The following FGFR2 variants were observed in gnomAD, a reference collection of about 807,000 sequenced individuals.
The protein encoded by FGFR2 is fibroblast growth factor receptor 2.
A neutral mutation model predicts 95.9 loss-of-function variants in FGFR2; 19 were observed. That is an observed-to-expected ratio of 0.20 (90% CI 0.14 to 0.29). The LOEUF is 0.29. Among genes scored for constraint, FGFR2 ranks in the 10% least tolerant of loss-of-function variants. FGFR2 has a pLI of 1.00. For synonymous variants in FGFR2, 392 were observed against 393.3 expected (o/e 1.00, Z 0.04); for missense variants, 707 against 1,056.9 (o/e 0.67, Z 4.59).
intron 3 of FGFR2, among the ~76,000 whole-genome samples, 167 bp downstream of exon 3, chr10:121,565,271 A>C (rs1178982146): frequency 1.3e-5 from 2 of 152,118 alleles, no homozygotes; most frequent in Non-Finnish European, 2.9e-5. Context: ...ATCATTCTTA[A>C]TGATCGGCCT....
chr10:121,498,245 A>G (rs895269391), intron 12 of FGFR2, among the ~76,000 whole-genome samples: 2 of 152,220 alleles, frequency 1.3e-5, no homozygotes, highest in Non-Finnish European at 2.9e-5. Context: ...TATGACCTAG[A>G]AACAGCAGCG....
chr10:121,581,383 A>G (rs1057160044), intron 2 of FGFR2, among the ~76,000 whole-genome samples: 4 of 152,092 alleles, frequency 2.6e-5, no homozygotes, highest in Admixed American at 6.5e-5. Context: ...GGTACTGATG[A>G]GGGTCAACCT....
chr10:121,546,849 T>A (rs1192841847), intron 5 of FGFR2, among the ~76,000 whole-genome samples: 1 of 152,190 alleles, frequency 6.6e-6, no homozygotes, highest in African/African-American at 2.4e-5. Context: ...TAACACACAT[T>A]TGTTTGAAGA....
At position 121,583,216 on chromosome 10, in the gene FGFR2, G is replaced by A. The variant is rs45631633; in HGVS notation, c.109+10493C>T. 9.5e-3 allele frequency: 1,448 copies of A among 152,318 alleles called. 13 individuals are homozygous for A. The highest frequency in any genetic ancestry group is 0.018 in the South Asian group (86 of 4,832). The allele number at this position is 152,318 out of a possible 1,614,324, so 9.4% of individuals were successfully genotyped here. ...GTGCTTGTTTCCATGACCACAGTTC[G>A]TGGGAGTCCCAAGTACAGGGGTCTG... On this transcript the variant is annotated intron_variant, in intron 2 of 17. Coordinates refer to ENST00000358487, the MANE Select transcript of FGFR2 (RefSeq NM_000141.5).
intron 6 of FGFR2, among the ~76,000 whole-genome samples, chr10:121,521,811 C>T (rs1009106439): frequency 6.6e-6 from 1 of 152,182 alleles, no homozygotes; most frequent in Non-Finnish European, 1.5e-5. Context: ...TCCCACTTCT[C>T]TATTTATCTA....
intron 2 of FGFR2, among the ~76,000 whole-genome samples, chr10:121,592,252 G>C (rs1165840575): frequency 6.6e-6 from 1 of 152,062 alleles, no homozygotes; most frequent in African/African-American, 2.4e-5. Context: ...TCAGAAACCA[G>C]GAACTTTTTC....
chr10:121,524,538 G>C (rs897271457), intron 6 of FGFR2, among the ~76,000 whole-genome samples: 2 of 152,182 alleles, frequency 1.3e-5, no homozygotes, highest in African/African-American at 4.8e-5. Flanking sequence ...TCTTGGAAAA[G>C]GGCCCAGGAT....
Position 121,542,624 on chromosome 10 carries a change from T to C in FGFR2, c.625-3909A>G, listed in dbSNP as rs147419408. 3.9e-5 allele frequency among the ~76,000 whole-genome samples: 6 copies of C among 152,336 alleles called. No homozygotes were observed. The East Asian group carries it at 1.2e-3, about 29-fold the overall frequency. ...GGAGAGCATGGACTTCAAAACTATG[T>C]TCACTAAAGACTTTTTTAAAATAAC... is the stretch of plus-strand genomic sequence containing the variant. On this transcript the variant is annotated intron_variant, in intron 5 of 17. Coordinates refer to ENST00000358487, the MANE Select transcript of FGFR2 (RefSeq NM_000141.5).
intron 4 of FGFR2, among the ~76,000 whole-genome samples, chr10:121,557,322 T>G (rs1856294055): frequency 6.6e-6 from 1 of 152,180 alleles, no homozygotes; most frequent in African/African-American, 2.4e-5. Flanking sequence ...TTTTCTTCTT[T>G]TTAAGAGACA....
chr10:121,509,482 C>CTT lies in FGFR2; in HGVS notation c.1288-5543_1288-5542dup, dbSNP rs67778522. Among the ~76,000 whole-genome samples, 189 of 45,338 alleles carry CTT rather than the reference C, an allele frequency of 4.2e-3. 10 individuals carry two copies. Among genetic ancestry groups the CTT allele is most frequent in the African/African-American group, 0.016 (184 of 11,554 alleles). The allele number at this position is 45,338 out of a possible 152,430, so 29.7% of individuals were successfully genotyped here. A position where few individuals can be genotyped will look rare whatever the true frequency, so the allele number is the denominator to read the frequency against. On this transcript the variant is annotated intron_variant, in intron 9 of 17. Coordinates refer to ENST00000358487, the MANE Select transcript of FGFR2 (RefSeq NM_000141.5). Reference sequence around the variant, plus strand: ...AGAAACAGTGTTATCTGTTTCTTTTCTTTTTTTTTTTTTTTTTTTTTTTTT... The same window carrying CTT: ...AGAAACAGTGTTATCTGTTTCTTTTCTTTTTTTTTTTTTTTTTTTTTTTTTTT...
chr10:121,583,782 C>T (rs1861333148), intron 2 of FGFR2, among the ~76,000 whole-genome samples: 1 of 151,504 alleles, frequency 6.6e-6, no homozygotes, highest in Non-Finnish European at 1.5e-5. Flanking sequence ...TCCTCCTGCT[C>T]AGGAAGAAGG....
At chr10:121,548,531 T>G (rs1430454443) in intron 5 of FGFR2, among the ~76,000 whole-genome samples, 1 of 152,094 alleles carries the variant, frequency 6.6e-6, no homozygotes, top group East Asian at 1.9e-4. Flanking sequence ...CATTTTCTCA[T>G]TAGGCCCTCT....
chr10:121,496,496 G>T (rs1043968358), intron 13 of FGFR2, 36 bp downstream of exon 13: 3 of 1,604,590 alleles, frequency 1.9e-6, no homozygotes, highest in Non-Finnish European at 2.6e-6. Flanking sequence ...TTTTTAGTTG[G>T]ATTCCACCCA....
chr10:121,518,897 C>T lies in FGFR2; in HGVS notation c.939+1082G>A. 5.0e-6 allele frequency: 8 copies of T among 1,585,482 alleles called. No homozygotes were observed. The highest frequency in any genetic ancestry group is 6.9e-6 in the Non-Finnish European group (8 of 1,154,880). On this transcript the variant is annotated intron_variant, in intron 7 of 17. Transcript: ENST00000358487. This position sits in a 1 kb window ranked among gnomAD's most constrained non-coding sequence, Gnocchi z 4.0. ...GGTCTTAGCATTGTCTATGGTCCCA[C>T]CACCAACACACCGCAAGAAAACAAA...
At chr10:121,574,181 C>T (rs1264662177) in intron 2 of FGFR2, among the ~76,000 whole-genome samples, 2 of 152,124 alleles carry the variant, frequency 1.3e-5, no homozygotes, top group Non-Finnish European at 1.5e-5. Flanking sequence ...CCCCCTCTTT[C>T]CTATGGCACA....
At chr10:121,550,054 C>T (rs1398674186) in intron 5 of FGFR2, among the ~76,000 whole-genome samples, 1 of 152,202 alleles carries the variant, frequency 6.6e-6, no homozygotes, top group African/African-American at 2.4e-5. Context: ...TTCATATGCT[C>T]AATTATTACA....
At chr10:121,516,445 A>G (rs921345458) in intron 8 of FGFR2, among the ~76,000 whole-genome samples, 2 of 152,260 alleles carry the variant, frequency 1.3e-5, no homozygotes, top group African/African-American at 2.4e-5. Flanking sequence ...CACAAAAATG[A>G]AACGATCTAT....
At chr10:121,594,141 G>A (rs559658542) in intron 1 of FGFR2, 174 bp from the exon 2 acceptor site, 8 of 496,290 alleles carry the variant, frequency 1.6e-5, no homozygotes, top group African/African-American at 3.8e-5. Flanking sequence ...CCACCAGACC[G>A]GTCCACAGAA....
chr10:121,499,673 CAA>C (rs1381993427), intron 11 of FGFR2, among the ~76,000 whole-genome samples: 2 of 152,220 alleles, frequency 1.3e-5, no homozygotes, highest in Non-Finnish European at 2.9e-5. Flanking sequence ...GAAGTTCCGC[CAA>C]AAGAGATGAG....
Sources: gnomAD v4.1 joint callset for allele counts (sites outside exome capture counted in the v4.1 genomes callset) on GRCh38, gnomAD v4.1.1 for gene constraint, Gnocchi (gnomAD v3.1) non-coding constraint, MANE v1.5 for transcripts, NCBI Gene and HGNC (gene_info 2026-07-23, HGNC 2026-07-21) for gene names.